The following SIM1 variants were observed in gnomAD, a reference collection of about 807,000 sequenced individuals.
The protein encoded by SIM1 is SIM bHLH transcription factor 1.
Under a neutral mutation model 78.2 loss-of-function variants are expected in SIM1, and 18 were observed. That is an observed-to-expected ratio of 0.23 (90% CI 0.16 to 0.34). SIM1 has a LOEUF of 0.34. SIM1 is among the 10% of genes least tolerant of loss of function. The pLI is 1.00. For synonymous variants in SIM1, 417 were observed against 385.2 expected (o/e 1.08, Z -0.97); for missense variants, 939 against 975.1 (o/e 0.96, Z 0.49).
intron 10 of SIM1, among the ~76,000 whole-genome samples, chr6:100,416,237 C>T (rs890952747): frequency 1.3e-5 from 2 of 152,190 alleles, no homozygotes; most frequent in Non-Finnish European, 2.9e-5. Context: ...CTTCATGTTT[C>T]TCTCCTCTTT....
rs139189588 is a variant in SIM1, at chr6:100,426,284, C to T, written c.999-5326G>A. ...AGTAATCCTCTTATTCCATTATGGG[C>T]AGTCAGAAATCATTCAATTTGCAGA... On this transcript the variant is annotated intron_variant, in intron 9 of 11. Coordinates refer to ENST00000369208, the MANE Select transcript of SIM1 (RefSeq NM_005068.3). Among the ~76,000 whole-genome samples the T allele has an allele frequency of 4.5e-3, 690 of 152,294 alleles. 4 individuals are homozygous for T. The highest frequency in any genetic ancestry group is 0.015 in the African/African-American group (614 of 41,558).
At chr6:100,417,767 T>C (rs1219800991) in intron 10 of SIM1, among the ~76,000 whole-genome samples, 1 of 152,222 alleles carries the variant, frequency 6.6e-6, no homozygotes, top group African/African-American at 2.4e-5. Context: ...CAGGATAGCA[T>C]GTTCCATTTC....
chr6:100,407,551 C>G (rs1011542484), intron 10 of SIM1, among the ~76,000 whole-genome samples: 1 of 152,058 alleles, frequency 6.6e-6, no homozygotes, highest in African/African-American at 2.4e-5. Flanking sequence ...ATGGCTGTAC[C>G]AATTTACATT....
intron 10 of SIM1, among the ~76,000 whole-genome samples, chr6:100,412,556 AAAGAAAGAAAGAAAGAAAG>A (rs1771223335): frequency 1.8e-4 from 1 of 5,414 alleles, no homozygotes; most frequent in Admixed American, 2.6e-3. Context: ...GAAAGAAAGA[AAAGAAAGAAAGAAAGAAAG>A]AAAGAAAGAA....
At chr6:100,453,941 C>T in intron 2 of SIM1, 97 bp from the exon 3 acceptor site, 1 of 807,536 alleles carries the variant, frequency 1.2e-6, no homozygotes, top group Non-Finnish European at 1.9e-6. Context: ...GTGCCGGCCC[C>T]TTTGACTGGA....
chr6:100,411,600 A>AATTT (rs200796078), intron 10 of SIM1, among the ~76,000 whole-genome samples: 4,298 of 152,254 alleles, frequency 0.028, 84 homozygotes, highest in Non-Finnish European at 0.047. Context: ...ACAATTTTTA[A>AATTT]ATTTATTTAT....
At chr6:100,453,687 A>C in intron 3 of SIM1, 75 bp downstream of exon 3, 1 of 1,090,400 alleles carries the variant, frequency 9.2e-7, no homozygotes, top group Non-Finnish European at 1.3e-6. Context: ...TTTTCTGAGA[A>C]ACTAAAAGCT....
At chr6:100,450,097 G>A (rs1772470457) in intron 4 of SIM1, among the ~76,000 whole-genome samples, 170 bp downstream of exon 4, 2 of 152,262 alleles carry the variant, frequency 1.3e-5, no homozygotes, top group Non-Finnish European at 1.5e-5. Context: ...AAGGAGAAGG[G>A]AAGTGGAGAA....
intron 2 of SIM1, among the ~76,000 whole-genome samples, chr6:100,454,479 C>A (rs1055665252): frequency 6.6e-6 from 1 of 152,168 alleles, no homozygotes; most frequent in African/African-American, 2.4e-5. Flanking sequence ...CCCCTCCTAG[C>A]CCTCTGCCTT....
At chr6:100,417,346 G>A (rs536453606) in intron 10 of SIM1, among the ~76,000 whole-genome samples, 2 of 152,108 alleles carry the variant, frequency 1.3e-5, no homozygotes, top group Non-Finnish European at 2.9e-5. Context: ...CATCTGTACT[G>A]CGAAACTTAA....
intron 9 of SIM1, among the ~76,000 whole-genome samples, chr6:100,438,959 G>A (rs779717386): frequency 2.5e-4 from 38 of 152,122 alleles, no homozygotes; most frequent in Non-Finnish European, 5.4e-4. Flanking sequence ...GGGCTTCCAG[G>A]GGAAAGGTTG....
At chr6:100,399,354 T>C (rs1770851712) in intron 10 of SIM1, among the ~76,000 whole-genome samples, 1 of 152,088 alleles carries the variant, frequency 6.6e-6, no homozygotes, top group Admixed American at 6.5e-5. Flanking sequence ...TCCAAAAGGC[T>C]ATATGATTCC....
intron 2 of SIM1, among the ~76,000 whole-genome samples, chr6:100,457,669 G>T (rs951461077): frequency 6.6e-6 from 1 of 152,222 alleles, no homozygotes; most frequent in African/African-American, 2.4e-5. Context: ...CAACCAGCCC[G>T]AATCAAGCTC....
intron 10 of SIM1, among the ~76,000 whole-genome samples, chr6:100,413,632 G>A (rs1326042435): frequency 6.6e-6 from 1 of 152,110 alleles, no homozygotes; most frequent in Non-Finnish European, 1.5e-5. Context: ...CCATGTATCA[G>A]TGTGTATTAT....
intron 10 of SIM1, among the ~76,000 whole-genome samples, chr6:100,416,464 C>A (rs1317342675): frequency 6.6e-6 from 1 of 152,090 alleles, no homozygotes; most frequent in Non-Finnish European, 1.5e-5. Flanking sequence ...TAAAGAGGCA[C>A]AAGACATTAC....
intron 9 of SIM1, among the ~76,000 whole-genome samples, chr6:100,446,447 A>G (rs1268374368): frequency 1.3e-5 from 2 of 152,228 alleles, no homozygotes; most frequent in Non-Finnish European, 2.9e-5. Context: ...CACACACAAG[A>G]GTTCTTCATA....
In SIM1 at chr6:100,453,742, C is replaced by T; in HGVS notation, c.258+20G>A. ...CAGACCCTCAAAGCTTATGTGTTGC[C>T]GGAAGACCTGCACCTGTACCTGGAG... is the stretch of plus-strand genomic sequence containing the variant. On this transcript the variant is annotated intron_variant, in intron 3 of 11. Coordinates refer to ENST00000369208, the MANE Select transcript of SIM1 (RefSeq NM_005068.3). The T allele has an allele frequency of 1.3e-6, 2 of 1,594,656 alleles. No individual in the cohort carries two copies. Among genetic ancestry groups the T allele is most frequent in the South Asian group, 1.1e-5 (1 of 89,396 alleles).
chr6:100,464,566 A>T (rs1772942819), intron 1 of SIM1, 48 bp downstream of exon 1: 1 of 152,032 alleles, frequency 6.6e-6, no homozygotes, highest in Non-Finnish European at 1.5e-5. Flanking sequence ...ACCACCGCGG[A>T]GCTGCGGGGC....
At chr6:100,415,970 T>C (rs1771388644) in intron 10 of SIM1, among the ~76,000 whole-genome samples, 1 of 152,082 alleles carries the variant, frequency 6.6e-6, no homozygotes, top group African/African-American at 2.4e-5. Context: ...TTCACTAAGA[T>C]AGGGAAGCTA....
Sources: allele counts gnomAD v4.1 joint callset (sites outside exome capture counted in the v4.1 genomes callset), GRCh38; gene constraint gnomAD v4.1.1; transcripts MANE v1.5; gene names NCBI Gene and HGNC (gene_info 2026-07-23, HGNC 2026-07-21).